Variants in TNS3 observed in about 807,000 individuals in gnomAD.
TNS3 encodes tensin-3.
A neutral mutation model predicts 140.9 loss-of-function variants in TNS3; 45 were observed. The ratio of observed to expected loss-of-function variants is 0.32; its 90% CI spans 0.25 to 0.41. The LOEUF (loss-of-function observed/expected upper bound fraction) is 0.41, where lower values mean the gene tolerates loss of function less well. Among genes scored for constraint, TNS3 ranks in the 10% least tolerant of loss-of-function variants. TNS3 has a pLI of 1.00. For missense variants in TNS3, 1,716 were observed against 1,906.7 expected (o/e 0.90, Z 1.86); for synonymous variants, 815 against 788.4 (o/e 1.03, Z -0.56).
intron 13 of TNS3, among the ~76,000 whole-genome samples, chr7:47,406,049 G>A (rs963387107): frequency 4.6e-5 from 7 of 152,190 alleles, no homozygotes; most frequent in Admixed American, 6.5e-5. Flanking sequence ...TGATGAGCCC[G>A]CTGCCCGCAT....
chr7:47,504,321 A>G (rs944732748), intron 3 of TNS3, among the ~76,000 whole-genome samples: 2 of 152,200 alleles, frequency 1.3e-5, no homozygotes, highest in African/African-American at 4.8e-5. Context: ...TCAGTGCCAC[A>G]GAAGGGGCTC....
intron 8 of TNS3, among the ~76,000 whole-genome samples, chr7:47,431,083 G>T (rs1437485638): frequency 6.6e-6 from 1 of 151,858 alleles, no homozygotes; most frequent in East Asian, 1.9e-4. Context: ...GAAGAATCTT[G>T]GAAAATTCAC....
intron 21 of TNS3, among the ~76,000 whole-genome samples, chr7:47,304,104 C>T (rs1330212438): frequency 2.0e-5 from 3 of 152,222 alleles, no homozygotes; most frequent in African/African-American, 7.2e-5. Flanking sequence ...CACTGTGGGT[C>T]CCCTCCTCCT....
chr7:47,577,718 A>G (rs1241085111), intron 1 of TNS3, among the ~76,000 whole-genome samples: 1 of 152,204 alleles, frequency 6.6e-6, no homozygotes, highest in Non-Finnish European at 1.5e-5. Context: ...GAAAGTGCCC[A>G]AGCCACCTTG....
chr7:47,498,602 A>T (rs1027823391), intron 3 of TNS3, among the ~76,000 whole-genome samples: 3 of 152,256 alleles, frequency 2.0e-5, no homozygotes, highest in Non-Finnish European at 4.4e-5. Flanking sequence ...TAAAACAAAT[A>T]TCTTGTTTCA....
intron 1 of TNS3, among the ~76,000 whole-genome samples, chr7:47,556,751 C>T (rs1236038866): frequency 6.6e-6 from 1 of 152,192 alleles, no homozygotes; most frequent in South Asian, 2.1e-4. Flanking sequence ...CTGCAAAGTG[C>T]GGGCCCCAGG....
chr7:47,362,954 C>T (rs117734425), intron 17 of TNS3, among the ~76,000 whole-genome samples: 6 of 3,674 alleles, frequency 1.6e-3, no homozygotes, highest in Non-Finnish European at 3.1e-3. Context: ...ATCAACATCA[C>T]CACCATCATC....
chr7:47,488,603 T>C (rs1355174235), intron 3 of TNS3, among the ~76,000 whole-genome samples: 1 of 152,204 alleles, frequency 6.6e-6, no homozygotes, highest in Non-Finnish European at 1.5e-5. Context: ...TTCAACCTAA[T>C]TACCTCTTTA....
chr7:47,382,748 A>T (rs1467510516), intron 16 of TNS3, among the ~76,000 whole-genome samples: 2 of 151,880 alleles, frequency 1.3e-5, no homozygotes, highest in African/African-American at 4.8e-5. Context: ...ACCTGAGTAT[A>T]GGAAAAGTGG....
intron 1 of TNS3, among the ~76,000 whole-genome samples, chr7:47,574,289 A>C (rs1235624966): frequency 6.6e-6 from 1 of 152,088 alleles, no homozygotes; most frequent in East Asian, 1.9e-4. Flanking sequence ...TCATCCCATT[A>C]ATCACAGAGT....
At chr7:47,401,731 G>A (rs1352035567) in intron 13 of TNS3, among the ~76,000 whole-genome samples, 1 of 152,236 alleles carries the variant, frequency 6.6e-6, no homozygotes, top group Non-Finnish European at 1.5e-5. Flanking sequence ...GTGACCGTGC[G>A]CAGCACTGGC....
intron 2 of TNS3, among the ~76,000 whole-genome samples, chr7:47,512,412 G>A (rs964436184): frequency 2.0e-5 from 3 of 152,232 alleles, no homozygotes; most frequent in Non-Finnish European, 4.4e-5. Flanking sequence ...CAGGGTGATA[G>A]CCAAGATTCC....
At chr7:47,452,263 G>A (rs1796048315) in intron 4 of TNS3, among the ~76,000 whole-genome samples, 1 of 152,208 alleles carries the variant, frequency 6.6e-6, no homozygotes, top group African/African-American at 2.4e-5. Flanking sequence ...ACAATGCTCA[G>A]AGAGGGTAAG....
intron 20 of TNS3, among the ~76,000 whole-genome samples, chr7:47,307,588 A>G (rs1786832721): frequency 6.6e-6 from 1 of 152,220 alleles, no homozygotes; most frequent in African/African-American, 2.4e-5. Flanking sequence ...CATCCCCACC[A>G]TCAATCCTGC....
At chr7:47,411,447 C>T (rs529745375) in intron 13 of TNS3, among the ~76,000 whole-genome samples, 26 of 152,254 alleles carry the variant, frequency 1.7e-4, no homozygotes, top group African/African-American at 5.1e-4. Flanking sequence ...CAATAGGGTT[C>T]GCACTCTTAT....
intron 5 of TNS3, among the ~76,000 whole-genome samples, chr7:47,440,664 G>C (rs190724772): frequency 6.6e-6 from 1 of 152,162 alleles, no homozygotes; most frequent in Non-Finnish European, 1.5e-5. Context: ...CCTCCCAGGA[G>C]TGCTCCTAAC....
intron 20 of TNS3, among the ~76,000 whole-genome samples, chr7:47,336,026 G>C (rs1311635357): frequency 6.6e-6 from 1 of 152,160 alleles, no homozygotes; most frequent in East Asian, 1.9e-4. Context: ...CAACAGCTGA[G>C]TGTTGTTATC....
intron 1 of TNS3, among the ~76,000 whole-genome samples, chr7:47,580,162 T>C (rs1488040724): frequency 6.6e-6 from 1 of 152,188 alleles, no homozygotes; most frequent in Non-Finnish European, 1.5e-5. Flanking sequence ...GCATTAGAAT[T>C]CAGTCGACAG....
At chr7:47,536,077 C>A (rs1052616831) in intron 1 of TNS3, among the ~76,000 whole-genome samples, 2 of 152,228 alleles carry the variant, frequency 1.3e-5, no homozygotes, top group African/African-American at 2.4e-5. Context: ...ATTTCCCAGC[C>A]CACAGGGGGC....
Sources: gnomAD v4.1 joint callset for allele counts (sites outside exome capture counted in the v4.1 genomes callset) on GRCh38, gnomAD v4.1.1 for gene constraint, MANE v1.5 for transcripts, NCBI Gene and HGNC (gene_info 2026-07-23, HGNC 2026-07-21) for gene names.